Variants in PARD3B observed in about 807,000 individuals in gnomAD.
PARD3B encodes partitioning defective 3 homolog B.
In PARD3B, 103 loss-of-function variants were observed where a neutral mutation model predicts 130.2. The ratio of observed to expected loss-of-function variants is 0.79; its 90% CI spans 0.67 to 0.93. PARD3B has a LOEUF of 0.93. Among genes scored for constraint, PARD3B ranks in the 40% least tolerant of loss-of-function variants. The probability of loss-of-function intolerance (pLI) is 0.00; values close to 1 mark genes in which losing one functional copy is unlikely to be tolerated. For synonymous variants in PARD3B, 583 were observed against 553.2 expected (o/e 1.05, Z -0.76); for missense variants, 1,609 against 1,499.2 (o/e 1.07, Z -1.21).
At chr2:205,482,824 C>A (rs1025916259) in intron 20 of PARD3B, 2 of 152,122 alleles carry the variant, frequency 1.3e-5, no homozygotes, top group African/African-American at 2.4e-5. Context: ...CGTCACCATG[C>A]GGCTGATTTT....
At position 204,573,251 on chromosome 2, in the gene PARD3B, A is replaced by C. The variant is rs183029788; in HGVS notation, c.120+27132A>C. On this transcript the variant is annotated intron_variant, in intron 1 of 22. Coordinates refer to ENST00000406610, the MANE Select transcript of PARD3B (RefSeq NM_001302769.2). ...TTCTCATAACTAGTTTTCACTCTTG[A>C]TATCTTTTCCACTAGAATGTAAGCA... Among the ~76,000 whole-genome samples, 10 of 152,320 alleles carry C rather than the reference A, an allele frequency of 6.6e-5. No individual in the cohort carries two copies. The East Asian group carries it at 1.7e-3, about 26-fold the overall frequency.
At chr2:204,582,112 C>G (rs1268020216) in intron 1 of PARD3B, among the ~76,000 whole-genome samples, 1 of 152,144 alleles carries the variant, frequency 6.6e-6, no homozygotes, top group South Asian at 2.1e-4. Context: ...CTGTTCTTCT[C>G]GAATGTTCCC....
intron 3 of PARD3B, among the ~76,000 whole-genome samples, chr2:204,984,736 A>C (rs560570946): frequency 1.3e-5 from 2 of 152,022 alleles, no homozygotes; most frequent in South Asian, 4.2e-4. Flanking sequence ...CATGTGTGAG[A>C]CTGGAATCCC....
At position 205,615,578 on chromosome 2, in the gene PARD3B, G is replaced by A. The variant is rs200129953; in HGVS notation, c.3383G>A (p.Arg1128His). Residue 1128 changes from arginine to histidine, a missense_variant, in exon 23 of 23, where the codon CGC becomes CAC. By Grantham distance (29) the Arg-to-His change is conservative. Coordinates refer to ENST00000406610, the MANE Select transcript of PARD3B (RefSeq NM_001302769.2). The part of the protein sequence containing the change: ...PMHPPKGSYP[R>H]PTELRVADLR... ...CACCCTCCCAAAGGGAGCTATCCCC[G>A]CCCCACAGAGCTCAGGGTGGCAGAT... The A allele has an allele frequency of 2.9e-5, 46 of 1,613,892 alleles. No individual in the cohort carries two copies. In the East Asian group the frequency reaches 5.8e-4, roughly 20 times the overall value.
chr2:205,450,306 T>C (rs2048051791), intron 20 of PARD3B, among the ~76,000 whole-genome samples: 2 of 152,202 alleles, frequency 1.3e-5, no homozygotes, highest in Admixed American at 1.3e-4. Flanking sequence ...GGGAACCTGT[T>C]GGAGTCCATC....
At chr2:204,698,505 A>G (rs972210485) in intron 2 of PARD3B, among the ~76,000 whole-genome samples, 1 of 151,636 alleles carries the variant, frequency 6.6e-6, no homozygotes, top group African/African-American at 2.4e-5. Flanking sequence ...TGCGAATTAT[A>G]TCTTTTTATT....
chr2:204,836,613 A>G (rs944297511), intron 2 of PARD3B, among the ~76,000 whole-genome samples: 3 of 152,184 alleles, frequency 2.0e-5, no homozygotes, highest in African/African-American at 7.2e-5. Flanking sequence ...GTGCGCCAAG[A>G]TCGTGCCACT....
In PARD3B at chr2:205,052,405, T is replaced by G. The variant is rs1575646892; in HGVS notation, c.504+4715T>G. On this transcript the variant is annotated intron_variant, in intron 4 of 22. Coordinates refer to ENST00000406610, the MANE Select transcript of PARD3B (RefSeq NM_001302769.2). Reference sequence around the variant, plus strand: ...CCTATCTTTTCAAAGTCCATGTGTATTTTATATATATATGTATATATATAT... The same window carrying G: ...CCTATCTTTTCAAAGTCCATGTGTAGTTTATATATATATGTATATATATAT... Among the ~76,000 whole-genome samples the G allele has an allele frequency of 6.0e-5, 7 of 117,344 alleles. 1 individual carries two copies. In the Admixed American group the frequency reaches 7.5e-4, roughly 13 times the overall value. 77.0% of individuals were successfully genotyped at this position (117,344 alleles called of 152,430 possible).
intron 1 of PARD3B, among the ~76,000 whole-genome samples, chr2:204,659,753 A>G (rs2035741750): frequency 6.6e-6 from 1 of 152,198 alleles, no homozygotes; most frequent in African/African-American, 2.4e-5. Context: ...ATCTGAGACC[A>G]TTTTATCATC....
intron 4 of PARD3B, among the ~76,000 whole-genome samples, chr2:205,082,558 C>G (rs1701483303): frequency 6.6e-6 from 1 of 152,076 alleles, no homozygotes; most frequent in Non-Finnish European, 1.5e-5. Context: ...GATAAGAGGA[C>G]ACTACTGTAA....
At chr2:204,981,480 G>GCAATATACATCTGCCTTAAGTTGGTGGGC (rs1692662392) in intron 3 of PARD3B, among the ~76,000 whole-genome samples, 3 of 152,150 alleles carry the variant, frequency 2.0e-5, no homozygotes, top group Non-Finnish European at 4.4e-5. Context: ...TCCCAGTGGG[G>GCAATATACATCTGCCTTAAGTTGGTGGGC]CAATATACAT....
chr2:204,789,866 T>TTTC (rs142238014), intron 2 of PARD3B, among the ~76,000 whole-genome samples: 28,494 of 145,664 alleles, frequency 0.2, 4,665 homozygotes, highest in African/African-American at 0.47. Context: ...AATTTTTAGT[T>TTTC]TTCTTCTTTT....
chr2:205,228,907 CTA>C lies in PARD3B; in HGVS notation c.2141-16869_2141-16868del, dbSNP rs34101685. Among the ~76,000 whole-genome samples the C allele has an allele frequency of 2.8e-3, 427 of 152,306 alleles. 4 individuals are homozygous for C. The East Asian group carries it at 0.042, about 15-fold the overall frequency. The stretch of plus-strand genomic sequence containing the variant: ...TTAAGAGAATCTCATGCATTCTACA[CTA>C]TGTCAATTACATTTTTCAACTCCAG... On this transcript the variant is annotated intron_variant, in intron 15 of 22. Coordinates refer to ENST00000406610, the MANE Select transcript of PARD3B (RefSeq NM_001302769.2).
rs532853783 is a variant in PARD3B, at chr2:205,065,032, T to C, written c.504+17342T>C. ...TGGGAATCTGCATCTTAGACAAATATCCTTTAGCTATTGCAGTCTCCAGTG... is the reference window on the plus strand; with the variant it reads ...TGGGAATCTGCATCTTAGACAAATACCCTTTAGCTATTGCAGTCTCCAGTG... On this transcript the variant is annotated intron_variant, in intron 4 of 22. Transcript: ENST00000406610. Among the ~76,000 whole-genome samples the C allele has an allele frequency of 2.0e-5, 3 of 152,270 alleles. No individual in the cohort carries two copies. The South Asian group carries it at 6.2e-4, about 32-fold the overall frequency.
chr2:204,774,759 G>T (rs2335638), intron 2 of PARD3B, among the ~76,000 whole-genome samples: 2 of 152,068 alleles, frequency 1.3e-5, no homozygotes, highest in Non-Finnish European at 2.9e-5. Flanking sequence ...TGATTTTATT[G>T]TGGTCTGTAT....
intron 1 of PARD3B, among the ~76,000 whole-genome samples, chr2:204,637,119 A>G (rs192333487): frequency 6.6e-6 from 1 of 152,202 alleles, no homozygotes; most frequent in Non-Finnish European, 1.5e-5. Context: ...TTTTTGTACA[A>G]TTAATCTGGA....
Position 205,229,763 on chromosome 2 carries a change from C to G in PARD3B, c.2141-16015C>G, listed in dbSNP as rs996825573. On this transcript the variant is annotated intron_variant, in intron 15 of 22. Transcript: ENST00000406610. This position sits in a 1 kb window ranked among gnomAD's most constrained non-coding sequence, Gnocchi z 5.2. ...TTCCCTTCAGGACAGCAAGGTCCCC[C>G]TGGCCTCGAGTGAGTCCACAGATGC... 2.6e-5 allele frequency among the ~76,000 whole-genome samples: 4 copies of G among 152,106 alleles called. No individual in the cohort carries two copies. The highest frequency in any genetic ancestry group is 7.2e-5 in the African/African-American group (3 of 41,426).
chr2:204,736,137 A>T (rs1427014838), intron 2 of PARD3B, among the ~76,000 whole-genome samples: 1 of 150,554 alleles, frequency 6.6e-6, no homozygotes, highest in Admixed American at 6.6e-5. Context: ...TTATGTTTCT[A>T]TACAGGAGGA....
chr2:205,188,209 C>A (rs1167554144), intron 14 of PARD3B, among the ~76,000 whole-genome samples: 1 of 152,174 alleles, frequency 6.6e-6, no homozygotes, highest in South Asian at 2.1e-4. Context: ...TCTTGGAAAA[C>A]GGAAGAAAGC....
Sources: gnomAD v4.1 joint callset for allele counts (sites outside exome capture counted in the v4.1 genomes callset) on GRCh38, gnomAD v4.1.1 for gene constraint, Gnocchi (gnomAD v3.1) non-coding constraint, MANE v1.5 for transcripts, NCBI Gene and HGNC (gene_info 2026-07-23, HGNC 2026-07-21) for gene names.